The following MPDZ variants were observed in gnomAD, a reference collection of about 807,000 sequenced individuals.
MPDZ encodes multiple PDZ domain protein.
MPDZ carries 234 observed loss-of-function variants against 239.1 expected under a neutral mutation model. The ratio of observed to expected loss-of-function variants is 0.98; its 90% CI spans 0.88 to 1.09. The LOEUF (loss-of-function observed/expected upper bound fraction) is 1.09, where lower values mean the gene tolerates loss of function less well. MPDZ is among the 50% of genes least tolerant of loss of function. The pLI is 0.00. For synonymous variants in MPDZ, 1,048 were observed against 881.3 expected (o/e 1.19, Z -3.35); for missense variants, 3,175 against 2,510.0 (o/e 1.26, Z -5.66).
intron 36 of MPDZ, 128 bp from the exon 37 acceptor site, chr9:13,122,298 C>T (rs1944467303): frequency 2.3e-5 from 18 of 776,782 alleles, no homozygotes; most frequent in Admixed American, 1.1e-4. Context: ...CTCTACAGTA[C>T]AAGCTCCATA....
At chr9:13,140,187 C>A in intron 27 of MPDZ, 38 bp from the exon 28 acceptor site, 3 of 1,570,808 alleles carry the variant, frequency 1.9e-6, no homozygotes, top group Middle Eastern at 1.7e-4. Context: ...TTTGTACAGT[C>A]TAAGGAAGAA....
intron 1 of MPDZ, among the ~76,000 whole-genome samples, chr9:13,251,778 T>G (rs1968092834): frequency 6.6e-6 from 1 of 152,202 alleles, no homozygotes; most frequent in Non-Finnish European, 1.5e-5. Context: ...TGATTTGCCT[T>G]ATCCCAATGT....
At chr9:13,210,980 T>G (rs2135894003) in intron 10 of MPDZ, among the ~76,000 whole-genome samples, 1 of 152,148 alleles carries the variant, frequency 6.6e-6, no homozygotes, top group East Asian at 1.9e-4. Context: ...TCTCAACTTT[T>G]ACACCATAAA....
intron 39 of MPDZ, 132 bp from the exon 40 acceptor site, chr9:13,115,466 T>C (rs1943254141): frequency 1.1e-5 from 8 of 715,064 alleles, no homozygotes; most frequent in Non-Finnish European, 2.4e-6. Flanking sequence ...TAAGCAAGGA[T>C]ACCTCCAATC....
chr9:13,236,265 ATATTTTTTTTT>A lies in MPDZ; in HGVS notation c.183+11359_183+11369del, dbSNP rs1963993295. On this transcript the variant is annotated intron_variant, in intron 3 of 46. Coordinates refer to ENST00000319217, the MANE Select transcript of MPDZ (RefSeq NM_001378778.1). ...TGTGTGTGTGTATATATATATATAT[ATATTTTTTTTT>A]TTTTTTTTTTTTTTTTTTGAGACAG... Among the ~76,000 whole-genome samples, 12 of 9,206 alleles carry A rather than the reference ATATTTTTTTTT, an allele frequency of 1.3e-3. 1 individual carries two copies. Among genetic ancestry groups the A allele is most frequent in the South Asian group, 0.011 (2 of 178 alleles). 6.0% of individuals were successfully genotyped at this position (9,206 alleles called of 152,430 possible).
chr9:13,154,956 T>G (rs1949644346), intron 24 of MPDZ, among the ~76,000 whole-genome samples: 3 of 152,174 alleles, frequency 2.0e-5, no homozygotes. Flanking sequence ...TGGTAGCTCA[T>G]GCCTGTAATC....
In MPDZ at chr9:13,126,697, G is replaced by A; in HGVS notation, c.4540C>T (p.His1514Tyr). ...AACCTCACCGTGGCTGCTACCCCAT[G>A]CTCTGTTAAGCTCTTTATGATGACT... ...SGVIIKSLTE[H>Y]GVAATDGRLK... The change falls in exon 33 of 47, where the codon CAT becomes TAT. Residue 1514 changes from histidine to tyrosine, a missense_variant. By Grantham distance (83) the His-to-Tyr change is moderately conservative (BLOSUM62 2). Coordinates refer to ENST00000319217, the MANE Select transcript of MPDZ (RefSeq NM_001378778.1). The A allele has an allele frequency of 2.5e-6, 4 of 1,613,706 alleles. No individual in the cohort carries two copies. Among genetic ancestry groups the A allele is most frequent in the Non-Finnish European group, 3.4e-6 (4 of 1,179,710 alleles).
At chr9:13,244,515 A>G (rs1001797090) in intron 3 of MPDZ, among the ~76,000 whole-genome samples, 3 of 152,176 alleles carry the variant, frequency 2.0e-5, no homozygotes, top group African/African-American at 7.2e-5. Context: ...AATAGCATGC[A>G]TCCTTTTAGC....
chr9:13,141,828 C>T (rs925632878), intron 27 of MPDZ, among the ~76,000 whole-genome samples: 4 of 152,116 alleles, frequency 2.6e-5, no homozygotes, highest in African/African-American at 9.7e-5. Context: ...TGTCAGATTA[C>T]AGAATCTGCT....
chr9:13,256,717 C>A (rs1969527711), intron 1 of MPDZ, among the ~76,000 whole-genome samples: 1 of 152,022 alleles, frequency 6.6e-6, no homozygotes, highest in Non-Finnish European at 1.5e-5. Context: ...ATGGTAACAT[C>A]AAAGATTACT....
At chr9:13,131,688 A>G (rs190088416) in intron 32 of MPDZ, among the ~76,000 whole-genome samples, 59 of 152,298 alleles carry the variant, frequency 3.9e-4, no homozygotes, top group African/African-American at 1.2e-3. Flanking sequence ...CCTGCTATGT[A>G]AAGAATACTT....
intron 3 of MPDZ, among the ~76,000 whole-genome samples, chr9:13,229,940 A>G (rs1422195649): frequency 5.3e-5 from 8 of 152,170 alleles, no homozygotes; most frequent in Non-Finnish European, 1.0e-4. Context: ...AAGGATACAT[A>G]TATCTGACAT....
chr9:13,243,455 CT>C (rs1012360904), intron 3 of MPDZ, among the ~76,000 whole-genome samples: 18 of 149,940 alleles, frequency 1.2e-4, no homozygotes, highest in Admixed American at 2.0e-4. Context: ...AGTTATGTGA[CT>C]TTTTTTTTGG....
Position 13,114,527 on chromosome 9 carries a change from G to A in MPDZ, c.5467-506C>T, listed in dbSNP as rs376200917. Among the ~76,000 whole-genome samples, 51 of 152,196 alleles carry A rather than the reference G, an allele frequency of 3.4e-4. 1 individual carries two copies. In the East Asian group the frequency reaches 9.6e-3, roughly 29 times the overall value. ...TATTTAACATCATATTTTTATACATGGTGCTGAGTATCTATAGTTCACTTA... is the reference window on the plus strand; with the variant it reads ...TATTTAACATCATATTTTTATACATAGTGCTGAGTATCTATAGTTCACTTA... On this transcript the variant is annotated intron_variant, in intron 40 of 46. Transcript: ENST00000319217.
At chr9:13,168,157 G>A (rs546800894) in intron 22 of MPDZ, among the ~76,000 whole-genome samples, 3 of 152,072 alleles carry the variant, frequency 2.0e-5, no homozygotes, top group East Asian at 1.9e-4. Flanking sequence ...ACAAAGCAAC[G>A]TTTCCAAATT....
chr9:13,192,309 TAC>T lies in MPDZ; in HGVS notation c.1804-16_1804-15del. ...TATGCCATTTACCTGTGAAAAAAGA[TAC>T]ATTGTCCAACAAACAACACTTCATA... On this transcript the variant is annotated splice_polypyrimidine_tract_variant and intron_variant, in intron 14 of 46. Coordinates refer to ENST00000319217, the MANE Select transcript of MPDZ (RefSeq NM_001378778.1). 1.9e-6 allele frequency: 3 copies of T among 1,583,606 alleles called. No homozygotes were observed. The highest frequency in any genetic ancestry group is 2.6e-6 in the Non-Finnish European group (3 of 1,162,790).
chr9:13,107,103 G>C lies in MPDZ; in HGVS notation c.6075C>G (p.Ala2025=). 1 of 1,568,520 alleles carries C rather than the reference G, an allele frequency of 6.4e-7. No individual in the cohort carries two copies. Among genetic ancestry groups the C allele is most frequent in the Non-Finnish European group, 8.7e-7 (1 of 1,146,570 alleles). Residue 2025 remains alanine (A), a synonymous_variant, in exon 47 of 47, where the codon GCC becomes GCG. Transcript: ENST00000319217. ...CCCTTTTCAGACGTCCGTCTTCAGA[G>C]GCTGCTCCCTGCAAATTATAAAGTA... ...YVKTVFAKGA[A]SEDGRLKRGD... is the part of the protein sequence containing the mutation.
intron 40 of MPDZ, among the ~76,000 whole-genome samples, chr9:13,114,292 A>G (rs1943005050): frequency 6.6e-6 from 1 of 152,196 alleles, no homozygotes; most frequent in African/African-American, 2.4e-5. Flanking sequence ...ATCTCATTCA[A>G]ACTAATCTTC....
chr9:13,191,606 A>G (rs190565763), intron 15 of MPDZ, among the ~76,000 whole-genome samples: 1 of 152,304 alleles, frequency 6.6e-6, no homozygotes, highest in Admixed American at 6.5e-5. Flanking sequence ...AGTAAGACCT[A>G]TCCACACAGA....
Sources: allele counts gnomAD v4.1 joint callset (sites outside exome capture counted in the v4.1 genomes callset), GRCh38; gene constraint gnomAD v4.1.1; transcripts MANE v1.5; gene names NCBI Gene and HGNC (gene_info 2026-07-23, HGNC 2026-07-21).